The following TBC1D5 variants were observed in gnomAD, a reference collection of about 807,000 sequenced individuals.
TBC1D5 encodes the protein TBC1 domain family, member 5.
In TBC1D5, 75 loss-of-function variants were observed where a neutral mutation model predicts 100.3. The observed-to-expected ratio is 0.75, with a 90% CI of 0.62 to 0.91. TBC1D5 has a LOEUF of 0.91. Ranked by LOEUF, TBC1D5 falls within the 40% of genes least tolerant of loss-of-function variation. The pLI, the probability that TBC1D5 is intolerant of heterozygous loss-of-function variation, is 0.00. For synonymous variants in TBC1D5, 323 were observed against 325.6 expected (o/e 0.99, Z 0.09); for missense variants, 910 against 942.4 (o/e 0.97, Z 0.45).
At chr3:17,523,866 T>G (rs980189403) in intron 2 of TBC1D5, among the ~76,000 whole-genome samples, 1 of 152,130 alleles carries the variant, frequency 6.6e-6, no homozygotes, top group Non-Finnish European at 1.5e-5. Context: ...AAATGGAATA[T>G]AGTACATAAA....
At chr3:17,534,236 T>C (rs1422589050) in intron 2 of TBC1D5, among the ~76,000 whole-genome samples, 1 of 152,104 alleles carries the variant, frequency 6.6e-6, no homozygotes, top group African/African-American at 2.4e-5. Context: ...TAACATACTA[T>C]GGGGAGAAAT....
intron 2 of TBC1D5, among the ~76,000 whole-genome samples, chr3:17,564,528 A>G (rs1331958760): frequency 1.3e-5 from 2 of 152,252 alleles, no homozygotes; most frequent in Non-Finnish European, 2.9e-5. Flanking sequence ...ATGAATGTAC[A>G]AGCTAAAATA....
chr3:17,262,124 A>C (rs544179475), intron 15 of TBC1D5, among the ~76,000 whole-genome samples: 1 of 152,304 alleles, frequency 6.6e-6, no homozygotes, highest in South Asian at 2.1e-4. Context: ...ATGTGTCATT[A>C]GGTGATTTCA....
intron 14 of TBC1D5, among the ~76,000 whole-genome samples, chr3:17,305,070 T>C (rs769739548): frequency 2.6e-5 from 4 of 152,186 alleles, no homozygotes; most frequent in Non-Finnish European, 1.5e-5. Context: ...CCCACCATAA[T>C]CCAGCTTCTG....
At chr3:17,550,465 C>T (rs1322068204) in intron 2 of TBC1D5, among the ~76,000 whole-genome samples, 1 of 151,562 alleles carries the variant, frequency 6.6e-6, no homozygotes, top group African/African-American at 2.4e-5. Context: ...TGAAACACAC[C>T]TGTAAAAGTT....
intron 3 of TBC1D5, among the ~76,000 whole-genome samples, chr3:17,503,517 A>T (rs1180415799): frequency 6.7e-6 from 1 of 149,670 alleles, no homozygotes; most frequent in Non-Finnish European, 1.5e-5. Flanking sequence ...TGCCTAGTAC[A>T]CGCAAGGCAC....
chr3:17,724,573 A>G (rs559061056), intron 1 of TBC1D5, among the ~76,000 whole-genome samples: 1 of 152,270 alleles, frequency 6.6e-6, no homozygotes, highest in African/African-American at 2.4e-5. Context: ...TCATTTTACT[A>G]TGATGTCTCT....
At position 17,584,679 on chromosome 3, in the gene TBC1D5, A is replaced by G. The variant is rs373802918; in HGVS notation, c.-36+39170T>C. Among the ~76,000 whole-genome samples the G allele has an allele frequency of 3.3e-5, 5 of 151,904 alleles. No homozygotes were observed. The East Asian group carries it at 9.7e-4, about 29-fold the overall frequency. ...TTTAATTTTTTAAGTTGACTTACGT[A>G]TTTATTTATTTTGAGATGCAAGGCT... On this transcript the variant is annotated intron_variant, in intron 2 of 21. Coordinates refer to ENST00000253692, the Ensembl canonical transcript of TBC1D5.
chr3:17,251,575 A>G (rs2077188764), intron 16 of TBC1D5, among the ~76,000 whole-genome samples: 1 of 152,144 alleles, frequency 6.6e-6, no homozygotes, highest in African/African-American at 2.4e-5. Context: ...GGATGCAAAG[A>G]TGACATGTGA....
chr3:17,274,280 A>T (rs940735711), intron 15 of TBC1D5, among the ~76,000 whole-genome samples: 6 of 152,226 alleles, frequency 3.9e-5, no homozygotes, highest in Non-Finnish European at 8.8e-5. Flanking sequence ...CTTTTGAATG[A>T]ATATGTCCTA....
intron 1 of TBC1D5, among the ~76,000 whole-genome samples, chr3:17,730,251 A>C (rs1560574155): frequency 2.0e-5 from 3 of 152,216 alleles, no homozygotes; most frequent in Non-Finnish European, 4.4e-5. Context: ...GTAAAGTTGC[A>C]AATTCTTTGT....
chr3:17,258,391 C>G lies in TBC1D5; in HGVS notation c.1331+115G>C. 5.2e-6 allele frequency: 5 copies of G among 966,806 alleles called. No homozygotes were observed. In the South Asian group the frequency reaches 7.3e-5, roughly 14 times the overall value. The allele number at this position is 966,806 out of a possible 1,614,324, so 59.9% of individuals were successfully genotyped here. A position where few individuals can be genotyped will look rare whatever the true frequency, so the allele number is the denominator to read the frequency against. On this transcript the variant is annotated intron_variant, in intron 16 of 21. Coordinates refer to ENST00000253692, the Ensembl canonical transcript of TBC1D5. ...TGGGTAATTTATTTAACAAAGATTC[C>G]TTATGTACATATGCTAAAATCTGGA...
At chr3:17,719,957 G>T (rs1029347565) in intron 1 of TBC1D5, among the ~76,000 whole-genome samples, 4 of 151,998 alleles carry the variant, frequency 2.6e-5, no homozygotes, top group African/African-American at 9.7e-5. Flanking sequence ...TGATTATAGG[G>T]ATTACCTCCA....
intron 4 of TBC1D5, among the ~76,000 whole-genome samples, chr3:17,409,554 C>T (rs1354393275): frequency 3.3e-5 from 5 of 152,054 alleles, no homozygotes; most frequent in Non-Finnish European, 7.4e-5. Flanking sequence ...AGCTTGGTCT[C>T]TTGCGCTAAA....
chr3:17,289,454 T>G (rs1046349483), intron 15 of TBC1D5, among the ~76,000 whole-genome samples: 1 of 151,874 alleles, frequency 6.6e-6, no homozygotes, highest in South Asian at 2.1e-4. Flanking sequence ...GCCAACATAG[T>G]GAAACCCCAT....
At chr3:17,371,956 G>C (rs1296455612) in intron 13 of TBC1D5, 119 bp downstream of exon 13, 2 of 917,742 alleles carry the variant, frequency 2.2e-6, no homozygotes, top group Non-Finnish European at 1.5e-6. Context: ...AGGATCGCTT[G>C]AGCCCAGGGG....
chr3:17,454,713 G>T (rs1576068035), intron 3 of TBC1D5, among the ~76,000 whole-genome samples: 1 of 152,058 alleles, frequency 6.6e-6, no homozygotes, highest in African/African-American at 2.4e-5. Context: ...GCCTGCCTCG[G>T]CATCCCAAAG....
At position 17,662,143 on chromosome 3, in the gene TBC1D5, T is replaced by C. The variant is rs565124883; in HGVS notation, c.-100-38230A>G. Among the ~76,000 whole-genome samples, 6 of 152,284 alleles carry C rather than the reference T, an allele frequency of 3.9e-5. No individual in the cohort carries two copies. The South Asian group carries it at 6.2e-4, about 16-fold the overall frequency. Reference sequence around the variant, plus strand: ...CCTGGCCCCAAGCAATCCTCTCACCTTGGCATCCCAAAGCACTGGGATTAC... The same window carrying C: ...CCTGGCCCCAAGCAATCCTCTCACCCTGGCATCCCAAAGCACTGGGATTAC... On this transcript the variant is annotated intron_variant, in intron 1 of 21. Transcript: ENST00000253692.
At chr3:17,622,647 C>T (rs1290915182) in intron 2 of TBC1D5, 1 of 151,356 alleles carries the variant, frequency 6.6e-6, no homozygotes, top group African/African-American at 2.4e-5. Context: ...AAGTTACTTA[C>T]ACCAGGTTCT....
Sources: allele counts gnomAD v4.1 joint callset (sites outside exome capture counted in the v4.1 genomes callset), GRCh38; gene constraint gnomAD v4.1.1; transcripts MANE v1.5; gene names NCBI Gene and HGNC (gene_info 2026-07-23, HGNC 2026-07-21).